Variants in NPHP4 observed in about 807,000 individuals in gnomAD.
NPHP4 encodes the protein nephrocystin-4.
A neutral mutation model predicts 155.8 loss-of-function variants in NPHP4; 151 were observed. The ratio of observed to expected loss-of-function variants is 0.97; its 90% CI spans 0.85 to 1.11. NPHP4 has a LOEUF of 1.11. Among genes scored for constraint, NPHP4 ranks in the 50% least tolerant of loss-of-function variants. The pLI, the probability that NPHP4 is intolerant of heterozygous loss-of-function variation, is 0.00. For missense variants in NPHP4, 1,956 were observed against 1,925.7 expected (o/e 1.02, Z -0.29); for synonymous variants, 845 against 816.8 (o/e 1.03, Z -0.59).
rs559006339 is a variant in NPHP4 at position 5,869,772 on chromosome 1, T to C, written c.3316-1876A>G. Among the ~76,000 whole-genome samples, 6 of 152,304 alleles carry C rather than the reference T, an allele frequency of 3.9e-5. No individual in the cohort carries two copies. The East Asian group carries it at 7.7e-4, about 20-fold the overall frequency. The stretch of plus-strand genomic sequence containing the variant: ...GGATTTGGCCAGTGTGGTCAGCAGA[T>C]TGGTTATATACAGAGGAAATTAGGC... On this transcript the variant is annotated intron_variant, in intron 23 of 29. Transcript: ENST00000378156.
chr1:5,877,544 C>A, intron 19 of NPHP4: 1 of 379,598 alleles, frequency 2.6e-6, no homozygotes, highest in Non-Finnish European at 4.7e-6. Context: ...GACTCTGGCC[C>A]TTAGATCCAA....
rs1368720791 is a variant in NPHP4, at chr1:5,869,200, TATCCACCCACATGCATACAC to T, written c.3316-1324_3316-1305del. 3.4e-3 allele frequency among the ~76,000 whole-genome samples: 404 copies of T among 117,830 alleles called. 3 individuals are homozygous for T. The highest frequency in any genetic ancestry group is 0.016 in the Middle Eastern group (2 of 124). The allele number at this position is 117,830 out of a possible 152,430, so 77.3% of individuals were successfully genotyped here. On this transcript the variant is annotated intron_variant, in intron 23 of 29. Transcript: ENST00000378156. ...CACAATGCACACATACATGCACACATATCCACCCACATGCATACACATCCACCCACATGCACACACACACA... is the reference window on the plus strand; with the variant it reads ...CACAATGCACACATACATGCACACATATCCACCCACATGCACACACACACA...
chr1:5,978,177 G>A (rs3747983), intron 3 of NPHP4, 93 bp downstream of exon 3: 20 of 1,238,642 alleles, frequency 1.6e-5, no homozygotes, highest in African/African-American at 7.5e-5. Context: ...GTGAGGTCTC[G>A]GCAAGGCCCC....
chr1:5,976,547 C>G (rs144464718), intron 3 of NPHP4, among the ~76,000 whole-genome samples: 1 of 152,226 alleles, frequency 6.6e-6, no homozygotes, highest in South Asian at 2.1e-4. Context: ...CCCCTGCCCG[C>G]GCTGAAACAG....
At chr1:5,968,601 G>A (rs1266759975) in intron 4 of NPHP4, among the ~76,000 whole-genome samples, 17 of 147,666 alleles carry the variant, frequency 1.2e-4, no homozygotes, top group Non-Finnish European at 1.6e-4. Context: ...ACCCTGTCTC[G>A]AAGAAAAAAA....
chr1:5,863,234 G>T lies in NPHP4; in HGVS notation c.*31C>A, dbSNP rs199829944. The T allele has an allele frequency of 1.2e-6, 2 of 1,613,464 alleles. No individual in the cohort carries two copies. Among genetic ancestry groups the T allele is most frequent in the African/African-American group, 2.7e-5 (2 of 74,942 alleles). On this transcript the variant is annotated 3_prime_UTR_variant, in exon 30 of 30. Coordinates refer to ENST00000378156, the MANE Select transcript of NPHP4 (RefSeq NM_015102.5). ...AGGGGCACAGACAGGCCCCAGCTGG[G>T]TGCCGCAGGAAGGACGTCACCCTCA...
intron 13 of NPHP4, among the ~76,000 whole-genome samples, chr1:5,906,906 G>C (rs1252272523): frequency 7.9e-5 from 12 of 152,298 alleles, no homozygotes. Context: ...AGAACTCATG[G>C]GCCACATTCT....
intron 22 of NPHP4, chr1:5,873,669 T>C: frequency 2.4e-6 from 1 of 416,882 alleles, no homozygotes; most frequent in African/African-American, 2.1e-5. Flanking sequence ...CCTTAAGCGA[T>C]GACCACCACC....
chr1:5,910,026 G>A lies in NPHP4; in HGVS notation c.1442-813C>T, dbSNP rs758247745. On this transcript the variant is annotated intron_variant, in intron 11 of 29. Transcript: ENST00000378156. The surrounding 1 kb of genome is among the most constrained non-coding windows in gnomAD (Gnocchi z 5.4). ...CTCAGCAGGAGGAAGCCCCAGCATC[G>A]CTGGAGTCTCTGAAACCCACCAGGC... Among the ~76,000 whole-genome samples, 25 of 152,180 alleles carry A rather than the reference G, an allele frequency of 1.6e-4. 1 individual carries two copies. Among genetic ancestry groups the A allele is most frequent in the African/African-American group, 5.1e-4 (21 of 41,452 alleles).
In NPHP4 at chr1:5,890,762, G is replaced by C; in HGVS notation, c.2304+106C>G. On this transcript the variant is annotated intron_variant, in intron 17 of 29. Transcript: ENST00000378156. This position sits in a 1 kb window ranked among gnomAD's most constrained non-coding sequence, Gnocchi z 4.9. ...GAACAAAGAAGGTCAAACAAGTCCT[G>C]TGCGGGATAGCGCCCGCTCCTTCCA... 2 of 1,032,756 alleles carry C rather than the reference G, an allele frequency of 1.9e-6. No homozygotes were observed. The highest frequency in any genetic ancestry group is 4.9e-5 in the Admixed American group (2 of 41,180). 64.0% of individuals were successfully genotyped at this position (1,032,756 alleles called of 1,614,324 possible). A position where few individuals can be genotyped will look rare whatever the true frequency, so the allele number is the denominator to read the frequency against.
intron 1 of NPHP4, among the ~76,000 whole-genome samples, chr1:5,988,317 C>T (rs991107727): frequency 6.6e-6 from 1 of 152,204 alleles, no homozygotes; most frequent in African/African-American, 2.4e-5. Flanking sequence ...CCTTCACATA[C>T]TTCAACCAAG....
chr1:5,938,550 C>T (rs1041030257), intron 9 of NPHP4, among the ~76,000 whole-genome samples: 8 of 152,238 alleles, frequency 5.3e-5, no homozygotes, highest in African/African-American at 1.9e-4. Context: ...CCAGACATTC[C>T]TGGGGGAAAG....
rs931170683 is a variant in NPHP4, at chr1:5,922,130, T to C, written c.1441+5519A>G. ...TCAGTGACAACTGGAAAGTGCTACATGGCTGCCTTTGAAGATGGAAGAAGG... is the reference window on the plus strand; with the variant it reads ...TCAGTGACAACTGGAAAGTGCTACACGGCTGCCTTTGAAGATGGAAGAAGG... On this transcript the variant is annotated intron_variant, in intron 11 of 29. Transcript: ENST00000378156. 3.9e-5 allele frequency among the ~76,000 whole-genome samples: 6 copies of C among 152,366 alleles called. No individual in the cohort carries two copies. In the East Asian group the frequency reaches 7.7e-4, roughly 20 times the overall value.
chr1:5,872,951 G>A (rs1642156599), intron 23 of NPHP4, among the ~76,000 whole-genome samples: 1 of 152,204 alleles, frequency 6.6e-6, no homozygotes, highest in South Asian at 2.1e-4. Context: ...CTCAAGGAGT[G>A]GCCGCAGGCT....
chr1:5,938,295 A>T (rs1261768217), intron 9 of NPHP4, among the ~76,000 whole-genome samples: 1 of 152,190 alleles, frequency 6.6e-6, no homozygotes, highest in African/African-American at 2.4e-5. Flanking sequence ...AGAGAGACTG[A>T]GCCCCACCAG....
intron 18 of NPHP4, among the ~76,000 whole-genome samples, chr1:5,885,626 T>C (rs1643729203): frequency 6.6e-6 from 1 of 152,212 alleles, no homozygotes. Flanking sequence ...ACAGGTTTCC[T>C]TGCGTGGCCT....
chr1:5,915,483 T>C (rs542105073), intron 11 of NPHP4, among the ~76,000 whole-genome samples: 2 of 152,298 alleles, frequency 1.3e-5, no homozygotes, highest in African/African-American at 4.8e-5. Context: ...AAAAAGTCAT[T>C]GTTCCTAAGA....
chr1:5,882,383 C>T lies in NPHP4; in HGVS notation c.2486-2144G>A, dbSNP rs1643378138. ...TACCCAGCCATCTCTCAGTGGTGCG[C>T]TTACCCAGCCATCTCTTTCCAGGGG... On this transcript the variant is annotated intron_variant, in intron 18 of 29. Transcript: ENST00000378156. The surrounding 1 kb of genome is among the most constrained non-coding windows in gnomAD (Gnocchi z 5.1). 1 of 152,798 alleles carries T rather than the reference C, an allele frequency of 6.5e-6. No homozygotes were observed. The highest frequency in any genetic ancestry group is 6.5e-5 in the Admixed American group (1 of 15,284). The allele number at this position is 152,798 out of a possible 1,614,324, so 9.5% of individuals were successfully genotyped here.
In NPHP4 at chr1:5,967,377, C is replaced by T. The variant is rs1039127983; in HGVS notation, c.453-14G>A. On this transcript the variant is annotated splice_polypyrimidine_tract_variant and intron_variant, in intron 4 of 29. Coordinates refer to ENST00000378156, the MANE Select transcript of NPHP4 (RefSeq NM_015102.5). ...TACAGCCGCAACCTGGAAGACAGGA[C>T]CCAGAGAACAGTCGTCAGCCACGTG... is the stretch of plus-strand genomic sequence containing the variant. 1 of 1,600,056 alleles carries T rather than the reference C, an allele frequency of 6.2e-7. No individual in the cohort carries two copies. Among genetic ancestry groups the T allele is most frequent in the East Asian group, 2.3e-5 (1 of 44,362 alleles).
Sources: allele counts gnomAD v4.1 joint callset (sites outside exome capture counted in the v4.1 genomes callset), GRCh38; gene constraint gnomAD v4.1.1; non-coding constraint Gnocchi (gnomAD v3.1); transcripts MANE v1.5; gene names NCBI Gene and HGNC (gene_info 2026-07-23, HGNC 2026-07-21).